ARHGAP39: variants seen among roughly 807,000 people sequenced by gnomAD.
ARHGAP39 encodes the protein rho GTPase-activating protein 39.
ARHGAP39 carries 44 observed loss-of-function variants against 106.9 expected under a neutral mutation model. That is an observed-to-expected ratio of 0.41 (90% confidence interval 0.32 to 0.53). The LOEUF (loss-of-function observed/expected upper bound fraction) is 0.53. Among genes scored for constraint, ARHGAP39 ranks in the 20% least tolerant of loss-of-function variants. ARHGAP39 has a pLI of 0.21. For missense variants in ARHGAP39, 1,496 were observed against 1,577.3 expected, an observed-to-expected ratio of 0.95 and a Z score of 0.87; for synonymous variants, 768 against 693.2, an observed-to-expected ratio of 1.11 and a Z score of -1.69.
At chr8:144,616,471 G>A (rs1196692416) in intron 1 of ARHGAP39, among the ~76,000 whole-genome samples, 3 of 152,234 alleles carry the variant, frequency 2.0e-5, no homozygotes, top group Non-Finnish European at 4.4e-5. Context: ...CCCCTCCTCG[G>A]AGCCTGCTTG....
chr8:144,569,470 G>A (rs562416300), intron 3 of ARHGAP39, among the ~76,000 whole-genome samples: 12 of 152,244 alleles, frequency 7.9e-5, no homozygotes, highest in South Asian at 4.1e-4. Flanking sequence ...AATAAACTAC[G>A]GATACATGTA....
chr8:144,619,425 CGT>C (rs1158680684), intron 1 of ARHGAP39, among the ~76,000 whole-genome samples: 2 of 150,438 alleles, frequency 1.3e-5, no homozygotes, highest in African/African-American at 4.9e-5. Flanking sequence ...TGCGTGAGCC[CGT>C]GTGTCCCTGA....
intron 1 of ARHGAP39, chr8:144,683,581 A>C (rs1338029894): frequency 6.6e-6 from 1 of 151,858 alleles, no homozygotes; most frequent in Admixed American, 6.6e-5. Flanking sequence ...TCCTGACCTC[A>C]AGCGATCTGC....
intron 2 of ARHGAP39, among the ~76,000 whole-genome samples, chr8:144,602,464 T>C (rs1392328636): frequency 1.5e-5 from 2 of 135,150 alleles, no homozygotes; most frequent in East Asian, 4.7e-4. Flanking sequence ...CTCGTGTACC[T>C]GTGCATGTGC....
chr8:144,573,147 T>A (rs769360681), intron 3 of ARHGAP39, among the ~76,000 whole-genome samples: 11 of 152,220 alleles, frequency 7.2e-5, no homozygotes, highest in Non-Finnish European at 1.5e-4. Flanking sequence ...AAAAGACACA[T>A]GCACATGTGT....
chr8:144,533,106 G>A lies in ARHGAP39; in HGVS notation c.2888+20C>T, dbSNP rs367550657. ...CATGGCTGTGGCCCCCACACCCGGC[G>A]CCCGGGGTTGCCGTGGCACCTGAAG... On this transcript the variant is annotated intron_variant, in intron 9 of 11. Transcript: ENST00000377307. 251 of 1,591,152 alleles carry A rather than the reference G, an allele frequency of 1.6e-4. No individual in the cohort carries two copies. In the African/African-American group the frequency reaches 3.0e-3, roughly 19 times the overall value.
the ARHGAP39 span, among the ~76,000 whole-genome samples, chr8:144,700,198 G>A: frequency 6.6e-6 from 1 of 152,218 alleles, no homozygotes; most frequent in Non-Finnish European, 1.5e-5. The surrounding 1 kb of genome is among the most constrained non-coding windows in gnomAD (Gnocchi z 5.6). Flanking sequence ...TGTACTCTGG[G>A]ACAGAAAAGA....
chr8:144,655,837 TTGA>T (rs1821680146), intron 1 of ARHGAP39, among the ~76,000 whole-genome samples: 1 of 151,976 alleles, frequency 6.6e-6, no homozygotes, highest in Non-Finnish European at 1.5e-5. Flanking sequence ...TGTGACAAAC[TTGA>T]TGAATGCCAA....
intron 1 of ARHGAP39, among the ~76,000 whole-genome samples, chr8:144,616,831 G>C (rs912118787): frequency 1.3e-5 from 2 of 152,248 alleles, no homozygotes; most frequent in Non-Finnish European, 2.9e-5. Context: ...TTAAAATCTG[G>C]TAAATAAAAA....
At chr8:144,698,129 G>A in the ARHGAP39 span, among the ~76,000 whole-genome samples, 3 of 152,154 alleles carry the variant, frequency 2.0e-5, no homozygotes, top group Admixed American at 6.6e-5. Flanking sequence ...TCATGAATGC[G>A]TGGTGCCCTC....
chr8:144,682,738 C>T (rs917505023), intron 1 of ARHGAP39, among the ~76,000 whole-genome samples: 1 of 152,138 alleles, frequency 6.6e-6, no homozygotes, highest in African/African-American at 2.4e-5. Flanking sequence ...AGGCTGGGCA[C>T]AGTGACTCAT....
intron 1 of ARHGAP39, among the ~76,000 whole-genome samples, chr8:144,609,606 G>T (rs1485558054): frequency 7.2e-5 from 11 of 152,050 alleles, no homozygotes; most frequent in Non-Finnish European, 1.3e-4. Context: ...GTTTCATTAT[G>T]TTGGCCAGGC....
chr8:144,559,833 G>T (rs1306235180), intron 3 of ARHGAP39, among the ~76,000 whole-genome samples: 1 of 152,166 alleles, frequency 6.6e-6, no homozygotes, highest in African/African-American at 2.4e-5. Flanking sequence ...TAGCCTGAAG[G>T]CAATTTTATA....
At chr8:144,618,591 C>T (rs1026653012) in intron 1 of ARHGAP39, among the ~76,000 whole-genome samples, 5 of 152,242 alleles carry the variant, frequency 3.3e-5, no homozygotes, top group African/African-American at 9.6e-5. Flanking sequence ...CCCGAGGACG[C>T]GCCTCAGCCA....
At chr8:144,681,227 A>T (rs1822409058) in intron 1 of ARHGAP39, among the ~76,000 whole-genome samples, 2 of 152,172 alleles carry the variant, frequency 1.3e-5, no homozygotes, top group African/African-American at 4.8e-5. Context: ...GTGGCAGCAG[A>T]GACAGCCAGT....
intron 3 of ARHGAP39, among the ~76,000 whole-genome samples, chr8:144,572,464 A>T (rs1010132583): frequency 2.0e-5 from 3 of 152,244 alleles, no homozygotes; most frequent in African/African-American, 7.2e-5. Flanking sequence ...TACACCTTAT[A>T]CAAAAATTAA....
intron 2 of ARHGAP39, among the ~76,000 whole-genome samples, chr8:144,600,282 G>A (rs1337276042): frequency 1.3e-5 from 2 of 149,028 alleles, no homozygotes; most frequent in South Asian, 2.1e-4. Flanking sequence ...GTGTGCTCCT[G>A]TACCCACCTG....
chr8:144,562,111 C>A (rs377323013), intron 3 of ARHGAP39, among the ~76,000 whole-genome samples: 1 of 133,026 alleles, frequency 7.5e-6, no homozygotes, highest in African/African-American at 3.9e-5. Flanking sequence ...TGGTTTCCAT[C>A]GGACTTACTC....
the ARHGAP39 span, among the ~76,000 whole-genome samples, chr8:144,693,664 C>A: frequency 2.0e-5 from 3 of 152,224 alleles, no homozygotes; most frequent in African/African-American, 7.2e-5. Context: ...TGAGCCACCG[C>A]GCCCAGCCGC....
Sources: allele counts gnomAD v4.1 joint callset (sites outside exome capture counted in the v4.1 genomes callset), GRCh38; gene constraint gnomAD v4.1.1; non-coding constraint Gnocchi (gnomAD v3.1); transcripts MANE v1.5; gene names NCBI Gene and HGNC (gene_info 2026-07-23, HGNC 2026-07-21).